CLVS1: variants seen among roughly 807,000 people sequenced by gnomAD.
CLVS1 encodes clavesin 1, also known as clavesin-1.
In CLVS1, 10 loss-of-function variants were observed where a neutral mutation model predicts 33.1. The ratio of observed to expected loss-of-function variants is 0.30; its 90% CI spans 0.19 to 0.51. The LOEUF is 0.51. CLVS1 is among the 20% of genes least tolerant of loss of function. The pLI, the probability that CLVS1 is intolerant of heterozygous loss-of-function variation, is 0.97. For synonymous variants in CLVS1, 163 were observed against 166.1 expected (o/e 0.98, Z 0.14); for missense variants, 343 against 433.4 (o/e 0.79, Z 1.85).
the CLVS1 span, among the ~76,000 whole-genome samples, chr8:61,040,132 A>G: frequency 1.3e-5 from 2 of 152,208 alleles, no homozygotes; most frequent in Non-Finnish European, 2.9e-5. Flanking sequence ...GCTTAGCATC[A>G]TGACCTCCAG....
At chr8:61,316,006 G>T (rs1032265473) in intron 2 of CLVS1, among the ~76,000 whole-genome samples, 3 of 152,068 alleles carry the variant, frequency 2.0e-5, no homozygotes, top group Non-Finnish European at 2.9e-5. Flanking sequence ...ATGTTAGTTT[G>T]CTAAGAATGA....
intron 2 of CLVS1, among the ~76,000 whole-genome samples, chr8:61,372,597 T>G (rs1054482267): frequency 6.6e-6 from 1 of 152,134 alleles, no homozygotes; most frequent in Non-Finnish European, 1.5e-5. Flanking sequence ...TTTGGATTTT[T>G]TTTTTTTTAG....
intron 2 of CLVS1, among the ~76,000 whole-genome samples, chr8:61,267,053 G>C (rs1809323645): frequency 6.6e-6 from 1 of 152,164 alleles, no homozygotes. Context: ...CCCAGAATGG[G>C]TGCCTGATGG....
chr8:61,270,899 C>T (rs1419888801), intron 2 of CLVS1, among the ~76,000 whole-genome samples: 1 of 151,930 alleles, frequency 6.6e-6, no homozygotes, highest in Non-Finnish European at 1.5e-5. Flanking sequence ...TTAGATTCTT[C>T]TCTCTTTTTT....
At chr8:61,474,464 A>C (rs761868604) in intron 5 of CLVS1, among the ~76,000 whole-genome samples, 77 of 152,330 alleles carry the variant, frequency 5.1e-4, no homozygotes, top group Non-Finnish European at 8.7e-4. Context: ...AAGATCCAGA[A>C]GGCTTTTTTG....
chr8:61,401,253 A>G lies in CLVS1; in HGVS notation c.630+24474A>G, dbSNP rs1461904408. ...TTTTACTTTTTCTTTCCCAATCTGG[A>G]TACATTTTACTTATTTATTTTTTCT... On this transcript the variant is annotated intron_variant, in intron 3 of 5. Coordinates refer to ENST00000325897, the MANE Select transcript of CLVS1 (RefSeq NM_173519.3). Among the ~76,000 whole-genome samples, 2 of 151,260 alleles carry G rather than the reference A, an allele frequency of 1.3e-5. 1 individual carries two copies. Among genetic ancestry groups the G allele is most frequent in the African/African-American group, 4.9e-5 (2 of 41,074 alleles).
At chr8:61,311,157 T>C (rs980784228) in intron 2 of CLVS1, among the ~76,000 whole-genome samples, 1 of 152,208 alleles carries the variant, frequency 6.6e-6, no homozygotes, top group Non-Finnish European at 1.5e-5. Context: ...AAATACAATA[T>C]GTCTCTGCTG....
In CLVS1 at chr8:61,440,784, A is replaced by G. The variant is rs146235710; in HGVS notation, c.631-13357A>G. ...GCAGAAAAAACCTAGACCCCTCCTA[A>G]CCTCAAAGGAACACTGGGTTGGTAC... On this transcript the variant is annotated intron_variant, in intron 3 of 5. Transcript: ENST00000325897. Among the ~76,000 whole-genome samples, 1,329 of 152,260 alleles carry G rather than the reference A, an allele frequency of 8.7e-3. 13 individuals are homozygous for G. The highest frequency in any genetic ancestry group is 0.039 in the South Asian group (189 of 4,828).
chr8:61,425,715 G>C (rs560332694), intron 3 of CLVS1, among the ~76,000 whole-genome samples: 3 of 152,046 alleles, frequency 2.0e-5, no homozygotes, highest in Non-Finnish European at 4.4e-5. Context: ...GGACTTTTCT[G>C]GTGTGGTCAT....
chr8:61,374,464 A>G (rs778759410), intron 2 of CLVS1, among the ~76,000 whole-genome samples: 4 of 152,120 alleles, frequency 2.6e-5, no homozygotes, highest in Non-Finnish European at 4.4e-5. Flanking sequence ...GGGCATTTCC[A>G]TTTGGAATTG....
At chr8:61,073,905 G>A (rs1017562409) in intron 1 of CLVS1, among the ~76,000 whole-genome samples, 2 of 151,394 alleles carry the variant, frequency 1.3e-5, no homozygotes, top group Non-Finnish European at 2.9e-5. Context: ...CCAGCTACTC[G>A]GGATGCTGAG....
intron 2 of CLVS1, among the ~76,000 whole-genome samples, chr8:61,203,560 T>A (rs1207882080): frequency 2.0e-5 from 3 of 151,514 alleles, no homozygotes; most frequent in African/African-American, 7.3e-5. Flanking sequence ...AAAAAAAGAA[T>A]GGTAGCACAG....
chr8:61,451,765 AT>A lies in CLVS1; in HGVS notation c.631-2372del, dbSNP rs1483988014. 3.3e-5 allele frequency among the ~76,000 whole-genome samples: 5 copies of A among 150,528 alleles called. No homozygotes were observed. The East Asian group carries it at 9.8e-4, about 30-fold the overall frequency. ...GACCATGAGAGGGGTGTGTTTGCTG[AT>A]TTTCCCTTCCCTCACCTTCCCCTCT... is the stretch of plus-strand genomic sequence containing the variant. On this transcript the variant is annotated intron_variant, in intron 3 of 5. Transcript: ENST00000325897.
intron 2 of CLVS1, among the ~76,000 whole-genome samples, chr8:61,257,231 T>C (rs1032039821): frequency 6.6e-6 from 1 of 152,242 alleles, no homozygotes; most frequent in Non-Finnish European, 1.5e-5. Flanking sequence ...GACAAGACTT[T>C]TCTTTTGCAG....
At chr8:61,225,872 T>C (rs1808317618) in intron 2 of CLVS1, among the ~76,000 whole-genome samples, 1 of 152,170 alleles carries the variant, frequency 6.6e-6, no homozygotes, top group Non-Finnish European at 1.5e-5. Flanking sequence ...CTGTCATTAA[T>C]CCCCAGGTTG....
intron 1 of CLVS1, among the ~76,000 whole-genome samples, chr8:61,071,535 C>A (rs1187868933): frequency 6.6e-6 from 1 of 152,214 alleles, no homozygotes; most frequent in African/African-American, 2.4e-5. Context: ...AGATGGTTCA[C>A]AATAATCTCC....
At chr8:61,266,985 A>T (rs553242597) in intron 2 of CLVS1, among the ~76,000 whole-genome samples, 1 of 152,214 alleles carries the variant, frequency 6.6e-6, no homozygotes, top group African/African-American at 2.4e-5. Flanking sequence ...AGGCAGTTTC[A>T]CTTTGAACTG....
chr8:61,200,831 G>T lies in CLVS1; in HGVS notation c.-152+68971G>T, dbSNP rs556556123. ...CTTCATTAGTGAATCTGAATTTTTTGGTTTTTATCTTTTTTTGTTTTACTC... is the reference window on the plus strand; with the variant it reads ...CTTCATTAGTGAATCTGAATTTTTTTGTTTTTATCTTTTTTTGTTTTACTC... On this transcript the variant is annotated intron_variant, in intron 2 of 2. Transcript: ENST00000522621. Among the ~76,000 whole-genome samples the T allele has an allele frequency of 9.2e-4, 140 of 151,754 alleles. 2 individuals carry two copies. The highest frequency in any genetic ancestry group is 4.3e-4 in the Non-Finnish European group (29 of 67,858).
the CLVS1 span, among the ~76,000 whole-genome samples, chr8:61,049,999 G>A: frequency 6.6e-6 from 1 of 152,254 alleles, no homozygotes; most frequent in African/African-American, 2.4e-5. Context: ...GCTCTCTGTT[G>A]TAATAAGGCT....
Sources: gnomAD v4.1 joint callset for allele counts (sites outside exome capture counted in the v4.1 genomes callset) on GRCh38, gnomAD v4.1.1 for gene constraint, MANE v1.5 for transcripts, NCBI Gene and HGNC (gene_info 2026-07-23, HGNC 2026-07-21) for gene names.